Variants in WIPF3 observed in about 807,000 individuals in gnomAD.
WIPF3 encodes WAS/WASL-interacting protein family member 3.
WIPF3 carries 33 observed loss-of-function variants against 38.9 expected under a neutral mutation model. That is an observed-to-expected ratio of 0.85 (90% CI 0.64 to 1.14). WIPF3 has a LOEUF of 1.14. WIPF3 is among the 50% of genes most tolerant of loss of function. The probability of loss-of-function intolerance (pLI) is 0.00; values close to 1 mark genes in which losing one functional copy is unlikely to be tolerated. For synonymous variants in WIPF3, 324 were observed against 269.3 expected, an observed-to-expected ratio of 1.20 and a Z score of -1.99; for missense variants, 711 against 652.5, an observed-to-expected ratio of 1.09 and a Z score of -0.98.
chr7:29,830,619 C>CAAAAAA (rs56261573), intron 1 of WIPF3, among the ~76,000 whole-genome samples: 1 of 100,852 alleles, frequency 9.9e-6, no homozygotes, highest in African/African-American at 3.7e-5. Context: ...GACTCTGTCT[C>CAAAAAA]AAAAAAAAAA....
chr7:29,880,327 T>A (rs533672127), intron 4 of WIPF3, among the ~76,000 whole-genome samples: 67 of 152,286 alleles, frequency 4.4e-4, no homozygotes, highest in African/African-American at 1.6e-3. Context: ...TATGGGATGA[T>A]TATGCTGCCT....
chr7:29,828,229 A>C (rs1180266442), intron 1 of WIPF3, among the ~76,000 whole-genome samples: 2 of 152,232 alleles, frequency 1.3e-5, no homozygotes, highest in Admixed American at 1.3e-4. Context: ...TGACGAGAGC[A>C]ACTAGTGTGT....
chr7:29,813,074 C>G (rs930932883), intron 1 of WIPF3, among the ~76,000 whole-genome samples: 3 of 152,244 alleles, frequency 2.0e-5, no homozygotes, highest in African/African-American at 7.2e-5. Flanking sequence ...TCCTCCGTCT[C>G]GTTTAACACT....
Position 29,810,643 on chromosome 7 carries a change from T to C in WIPF3, c.-58+3965T>C, listed in dbSNP as rs150721628. ...CTGTATGGATGAGATTTCCAATAGT[T>C]ATCTCCTTTAGGGCTCAGCCTATAA... On this transcript the variant is annotated intron_variant, in intron 1 of 8. Transcript: ENST00000242140. Among the ~76,000 whole-genome samples the C allele has an allele frequency of 1.1e-3, 161 of 152,388 alleles. 3 individuals carry two copies. In the Middle Eastern group the frequency reaches 0.014, roughly 13 times the overall value.
In WIPF3 at chr7:29,826,645, G is replaced by A. The variant is rs574807632; in HGVS notation, c.-57-8023G>A. 7.9e-5 allele frequency among the ~76,000 whole-genome samples: 12 copies of A among 152,062 alleles called. 2 individuals carry two copies. Among genetic ancestry groups the A allele is most frequent in the African/African-American group, 2.9e-4 (12 of 41,460 alleles). Reference sequence around the variant, plus strand: ...TATTATTACCTTCCATTTATTCTTAGTATTACTTTCCATTATTATAAACCA... The same window carrying A: ...TATTATTACCTTCCATTTATTCTTAATATTACTTTCCATTATTATAAACCA... On this transcript the variant is annotated intron_variant, in intron 1 of 8. Transcript: ENST00000242140.
At chr7:29,887,787 T>C (rs1785913008) in intron 5 of WIPF3, among the ~76,000 whole-genome samples, 2 of 152,312 alleles carry the variant, frequency 1.3e-5, no homozygotes, top group Middle Eastern at 3.4e-3. Flanking sequence ...GCCACTCAAC[T>C]TAAATTCAAC....
intron 4 of WIPF3, among the ~76,000 whole-genome samples, chr7:29,882,452 AT>A (rs1275779512): frequency 6.6e-6 from 1 of 152,214 alleles, no homozygotes; most frequent in Admixed American, 6.5e-5. Context: ...AAGAACAGCC[AT>A]TCCATAATGT....
chr7:29,896,170 A>G (rs1786139464), intron 7 of WIPF3, among the ~76,000 whole-genome samples: 1 of 152,196 alleles, frequency 6.6e-6, no homozygotes, highest in African/African-American at 2.4e-5. Flanking sequence ...TTAGCCAGGC[A>G]TGGTGGTGTG....
intron 1 of WIPF3, among the ~76,000 whole-genome samples, chr7:29,807,714 G>A (rs747187644): frequency 7.9e-5 from 12 of 152,246 alleles, no homozygotes; most frequent in Non-Finnish European, 1.2e-4. Context: ...AGGGCGCTTT[G>A]TAACTGGCTG....
intron 1 of WIPF3, among the ~76,000 whole-genome samples, chr7:29,824,565 G>GA (rs900563822): frequency 4.7e-5 from 7 of 149,728 alleles, no homozygotes; most frequent in Non-Finnish European, 7.4e-5. Context: ...AAAAAAAAAA[G>GA]AAAAAAAAGG....
At chr7:29,837,766 T>C (rs761347815) in intron 2 of WIPF3, among the ~76,000 whole-genome samples, 1 of 152,224 alleles carries the variant, frequency 6.6e-6, no homozygotes, top group Non-Finnish European at 1.5e-5. Context: ...ATGGAAATGA[T>C]GAATACAAAG....
At chr7:29,822,720 C>T (rs1468119585) in intron 1 of WIPF3, among the ~76,000 whole-genome samples, 1 of 152,174 alleles carries the variant, frequency 6.6e-6, no homozygotes, top group Non-Finnish European at 1.5e-5. Flanking sequence ...GAGCAATGAA[C>T]CGTCCTGTCT....
intron 2 of WIPF3, among the ~76,000 whole-genome samples, chr7:29,873,922 C>A (rs776874766): frequency 1.3e-5 from 2 of 152,222 alleles, no homozygotes; most frequent in Non-Finnish European, 2.9e-5. Flanking sequence ...TTCTAGTCAG[C>A]CAACCTGGTT....
chr7:29,857,955 A>G (rs1408506280), intron 2 of WIPF3, among the ~76,000 whole-genome samples: 1 of 152,204 alleles, frequency 6.6e-6, no homozygotes, highest in Non-Finnish European at 1.5e-5. Context: ...TTGTTGCAGC[A>G]TGAACCTATT....
intron 2 of WIPF3, among the ~76,000 whole-genome samples, chr7:29,851,668 T>A (rs901036700): frequency 6.6e-6 from 1 of 152,246 alleles, no homozygotes; most frequent in African/African-American, 2.4e-5. Context: ...TCTTTCCTGC[T>A]GTTGGCACAG....
At chr7:29,831,442 C>T (rs1397371022) in intron 1 of WIPF3, among the ~76,000 whole-genome samples, 1 of 152,192 alleles carries the variant, frequency 6.6e-6, no homozygotes, top group Non-Finnish European at 1.5e-5. Flanking sequence ...AAATGATGTT[C>T]TACCAGCCAG....
intron 1 of WIPF3, among the ~76,000 whole-genome samples, chr7:29,810,618 C>T (rs971662703): frequency 6.6e-6 from 1 of 152,204 alleles, no homozygotes; most frequent in Non-Finnish European, 1.5e-5. Context: ...TCAGGCATAA[C>T]TGTATGGATG....
At chr7:29,898,941 C>T (rs1361303268) in intron 7 of WIPF3, among the ~76,000 whole-genome samples, 3 of 152,160 alleles carry the variant, frequency 2.0e-5, no homozygotes, top group Non-Finnish European at 4.4e-5. Flanking sequence ...CTCAGGCTGC[C>T]ATAACAAAAT....
chr7:29,841,928 G>A (rs1784919498), intron 2 of WIPF3, among the ~76,000 whole-genome samples: 1 of 152,170 alleles, frequency 6.6e-6, no homozygotes, highest in African/African-American at 2.4e-5. Flanking sequence ...TATATCTAAA[G>A]GAAATAGAAT....
Sources: allele counts gnomAD v4.1 joint callset (sites outside exome capture counted in the v4.1 genomes callset), GRCh38; gene constraint gnomAD v4.1.1; transcripts MANE v1.5; gene names NCBI Gene and HGNC (gene_info 2026-07-23, HGNC 2026-07-21).